DNAH6: variants seen among roughly 807,000 people sequenced by gnomAD.
DNAH6 encodes axonemal beta dynein heavy chain 6.
A neutral mutation model predicts 491.4 loss-of-function variants in DNAH6; 340 were observed. That is an observed-to-expected ratio of 0.69 (90% confidence interval 0.63 to 0.76). DNAH6 has a LOEUF of 0.76. Ranked by LOEUF, DNAH6 falls within the 30% of genes least tolerant of loss-of-function variation. The probability of loss-of-function intolerance (pLI) is 0.00; values close to 1 mark genes in which losing one functional copy is unlikely to be tolerated. For synonymous variants in DNAH6, 1,603 were observed against 1,686.1 expected (o/e 0.95, Z 1.21); for missense variants, 4,443 against 4,972.2 (o/e 0.89, Z 3.20).
In DNAH6 at chr2:84,584,190, T is replaced by A; in HGVS notation, c.2421T>A (p.His807Gln). Residue 807 changes from histidine (H) to glutamine (Q), a missense_variant, in exon 15 of 77, where the codon CAT becomes CAA. His to Gln is a conservative substitution (Grantham distance 24). Transcript: ENST00000389394. ...CAAGCATTAAGCAATTTTGTGTGCA[T>A]TTGGGTAGTGATCTTGAAGAATTAA... ...RESSIKQFCV[H>Q]LGSDLEELNN... The A allele has an allele frequency of 6.2e-7, 1 of 1,614,140 alleles. No homozygotes were observed. The highest frequency in any genetic ancestry group is 8.5e-7 in the Non-Finnish European group (1 of 1,180,002).
chr2:84,517,837 G>C lies in DNAH6; in HGVS notation c.11G>C (p.Arg4Pro). ...TTTTCAGGAGTAAGGATGACTTTTC[G>C]GGCCACAGATAGTGAATTTGACCTG... MTF[R>P]ATDSEFDLTN... is the part of the protein sequence containing the mutation. Residue 4 changes from arginine to proline, a missense_variant, in exon 2 of 77, where the codon CGG (arginine) becomes CCG (proline). Arg to Pro is a moderately radical substitution (Grantham distance 103, BLOSUM62 -2). Transcript: ENST00000389394. 6.5e-7 allele frequency: 1 copy of C among 1,549,904 alleles called. No individual in the cohort carries two copies. Among genetic ancestry groups the C allele is most frequent in the East Asian group, 2.4e-5 (1 of 40,886 alleles).
chr2:84,702,166 T>A (rs1695974551), intron 49 of DNAH6, among the ~76,000 whole-genome samples: 1 of 152,224 alleles, frequency 6.6e-6, no homozygotes, highest in Admixed American at 6.5e-5. Context: ...TCAGCCAAAC[T>A]GTGTACAGCC....
chr2:84,604,287 T>G, intron 18 of DNAH6, 52 bp from the exon 19 acceptor site: 1 of 1,396,646 alleles, frequency 7.2e-7, no homozygotes, highest in Non-Finnish European at 9.9e-7. Context: ...AACCTGTGGG[T>G]TATATTTTTA....
At chr2:84,549,240 T>C (rs1403437265) in intron 8 of DNAH6, among the ~76,000 whole-genome samples, 1 of 152,236 alleles carries the variant, frequency 6.6e-6, no homozygotes, top group Non-Finnish European at 1.5e-5. Flanking sequence ...TGCAATTATG[T>C]AATACATCTT....
chr2:84,655,647 A>G (rs1210810595), intron 35 of DNAH6, among the ~76,000 whole-genome samples: 1 of 152,174 alleles, frequency 6.6e-6, no homozygotes, highest in Non-Finnish European at 1.5e-5. Context: ...TAAGATTTTT[A>G]ACTTTTCTGA....
At chr2:84,797,425 C>T in intron 69 of DNAH6, 112 bp from the exon 70 acceptor site, 1 of 997,894 alleles carries the variant, frequency 1.0e-6, no homozygotes, top group South Asian at 1.9e-5. Context: ...CCCCTTTCTA[C>T]ATGAGCCAGC....
rs1189451550 is a variant in DNAH6, at chr2:84,653,409, A to G, written c.5169A>G (p.Arg1723=). 2.6e-6 allele frequency: 4 copies of G among 1,551,150 alleles called. No individual in the cohort carries two copies. The East Asian group carries it at 9.8e-5, about 38-fold the overall frequency. Residue 1723 remains arginine (R), a synonymous_variant, in exon 34 of 77, where the codon AGA becomes AGG. Coordinates refer to ENST00000389394, the MANE Select transcript of DNAH6 (RefSeq NM_001370.2). ...CAACAATTGTGGATGTCATGAATAGACAAAATCTTCAGCCTGAGATGTGTA... is the reference window on the plus strand; with the variant it reads ...CAACAATTGTGGATGTCATGAATAGGCAAAATCTTCAGCCTGAGATGTGTA... ...LQSTIVDVMN[R]QNLQPEMCMV...
At chr2:84,618,516 A>G (rs888608535) in intron 23 of DNAH6, among the ~76,000 whole-genome samples, 2 of 152,128 alleles carry the variant, frequency 1.3e-5, no homozygotes, top group African/African-American at 4.8e-5. Context: ...TCAACAATCT[A>G]GAGCATTCAC....
intron 50 of DNAH6, 71 bp from the exon 51 acceptor site, chr2:84,703,996 T>G: frequency 8.5e-7 from 1 of 1,181,778 alleles, no homozygotes. Context: ...TGACTCACTA[T>G]TATTGGCTTT....
intron 41 of DNAH6, among the ~76,000 whole-genome samples, chr2:84,678,167 A>G (rs1257303133): frequency 6.6e-6 from 1 of 152,266 alleles, no homozygotes; most frequent in Admixed American, 6.5e-5. Context: ...AAATTGAAGT[A>G]GTTCCAATAA....
At chr2:84,779,228 G>A (rs1296485390) in intron 64 of DNAH6, among the ~76,000 whole-genome samples, 2 of 152,186 alleles carry the variant, frequency 1.3e-5, no homozygotes, top group African/African-American at 4.8e-5. Flanking sequence ...GTCTAATACT[G>A]TCAGTGGGAT....
intron 70 of DNAH6, among the ~76,000 whole-genome samples, chr2:84,800,184 A>G (rs569751825): frequency 2.0e-5 from 3 of 152,336 alleles, no homozygotes; most frequent in Admixed American, 6.5e-5. Flanking sequence ...CCAGAAACAA[A>G]GCCAATTGAT....
the DNAH6 span, among the ~76,000 whole-genome samples, chr2:84,502,210 G>T: frequency 6.6e-6 from 1 of 152,034 alleles, no homozygotes; most frequent in Admixed American, 6.6e-5. Context: ...ATAGGGTTTG[G>T]TATATTGTGT....
At chr2:84,707,275 A>G (rs1696562513) in intron 53 of DNAH6, among the ~76,000 whole-genome samples, 1 of 152,258 alleles carries the variant, frequency 6.6e-6, no homozygotes, top group Admixed American at 6.5e-5. Context: ...ACAAGGATAC[A>G]GAAAGCACTG....
At chr2:84,714,109 G>A (rs546110997) in intron 57 of DNAH6, among the ~76,000 whole-genome samples, 3 of 152,288 alleles carry the variant, frequency 2.0e-5, no homozygotes, top group African/African-American at 7.2e-5. Context: ...CTCCAGGCAT[G>A]TCTGTGCACT....
chr2:84,668,734 A>G (rs961805945), intron 37 of DNAH6, among the ~76,000 whole-genome samples: 1 of 151,462 alleles, frequency 6.6e-6, no homozygotes, highest in Non-Finnish European at 1.5e-5. Flanking sequence ...GAGTTTTAGC[A>G]TTACCACCCA....
chr2:84,589,598 G>A (rs1243041957), intron 16 of DNAH6, among the ~76,000 whole-genome samples: 1 of 151,738 alleles, frequency 6.6e-6, no homozygotes, highest in Non-Finnish European at 1.5e-5. Flanking sequence ...TGTAGTCCCA[G>A]GTACTTGGGA....
intron 74 of DNAH6, among the ~76,000 whole-genome samples, 156 bp downstream of exon 74, chr2:84,813,286 TG>T (rs1171607813): frequency 6.6e-6 from 1 of 152,156 alleles, no homozygotes; most frequent in Non-Finnish European, 1.5e-5. Context: ...TCCTCACTTG[TG>T]GGGGGCAGAG....
At chr2:84,614,123 C>A (rs533977553) in intron 22 of DNAH6, among the ~76,000 whole-genome samples, 1 of 141,332 alleles carries the variant, frequency 7.1e-6, no homozygotes, top group Non-Finnish European at 1.5e-5. Flanking sequence ...TTTGGTGCAC[C>A]CACCACCCGC....
Sources: gnomAD v4.1 joint callset for allele counts (sites outside exome capture counted in the v4.1 genomes callset) on GRCh38, gnomAD v4.1.1 for gene constraint, MANE v1.5 for transcripts, NCBI Gene and HGNC (gene_info 2026-07-23, HGNC 2026-07-21) for gene names.